NGEF: variants seen among roughly 807,000 people sequenced by gnomAD.
The protein encoded by NGEF is neuronal guanine nucleotide exchange factor, also known as ephexin-1.
Under a neutral mutation model 80.9 loss-of-function variants are expected in NGEF, and 31 were observed. The observed-to-expected ratio is 0.38, with a 90% CI of 0.29 to 0.52. The LOEUF (loss-of-function observed/expected upper bound fraction) is 0.52, where lower values mean the gene tolerates loss of function less well. Among genes scored for constraint, NGEF ranks in the 20% least tolerant of loss-of-function variants. The pLI, the probability that NGEF is intolerant of heterozygous loss-of-function variation, is 0.84. For synonymous variants in NGEF, 371 were observed against 370.2 expected (o/e 1.00, Z -0.03); for missense variants, 709 against 926.2 (o/e 0.77, Z 3.04).
rs397988249 is a variant in NGEF, at chr2:232,932,163, C to CTTTTTTT, written c.384-4984_384-4978dup. Among the ~76,000 whole-genome samples the CTTTTTTT allele has an allele frequency of 2.1e-3, 242 of 115,550 alleles. 2 individuals are homozygous for CTTTTTTT. Among genetic ancestry groups the CTTTTTTT allele is most frequent in the Non-Finnish European group, 2.4e-3 (140 of 58,808 alleles). The allele number at this position is 115,550 out of a possible 152,430, so 75.8% of individuals were successfully genotyped here. A position where few individuals can be genotyped will look rare whatever the true frequency, so the allele number is the denominator to read the frequency against. ...ATGAGTTCTCTCCAGAATCACCTTT[C>CTTTTTTT]TTTTTTTTTTTTTTTTTTTGAGACA... On this transcript the variant is annotated intron_variant, in intron 3 of 14. Transcript: ENST00000264051.
In NGEF at chr2:232,907,383, C is replaced by T. The variant is rs536233236; in HGVS notation, c.829-12467G>A. ...CTGACAACAGATTGTACTGGCAGTC[C>T]AAGTTGCCTGTCTTGCTTTGATAAA... is the stretch of plus-strand genomic sequence containing the variant. On this transcript the variant is annotated intron_variant, in intron 5 of 14. Coordinates refer to ENST00000264051, the MANE Select transcript of NGEF (RefSeq NM_019850.3). Among the ~76,000 whole-genome samples, 3 of 152,154 alleles carry T rather than the reference C, an allele frequency of 2.0e-5. No homozygotes were observed. The South Asian group carries it at 6.2e-4, about 32-fold the overall frequency.
intron 5 of NGEF, among the ~76,000 whole-genome samples, chr2:232,895,458 C>T (rs980782748): frequency 3.3e-5 from 5 of 150,524 alleles, no homozygotes; most frequent in Admixed American, 2.7e-4. Flanking sequence ...ACCTGGGAGG[C>T]AGAGGTTGCA....
rs532919708 is a variant in NGEF, at chr2:232,992,384, G to A, written c.-74-17420C>T. ...ACTAGCCTGGTCGACATGGTGAAAC[G>A]CCGTCTCCACTGCAAATACAAAAAT... is the stretch of plus-strand genomic sequence containing the variant. On this transcript the variant is annotated intron_variant, in intron 1 of 14. Transcript: ENST00000264051. Among the ~76,000 whole-genome samples, 10 of 151,796 alleles carry A rather than the reference G, an allele frequency of 6.6e-5. No homozygotes were observed. The East Asian group carries it at 1.2e-3, about 18-fold the overall frequency.
chr2:232,934,459 C>G (rs911390774), intron 3 of NGEF, among the ~76,000 whole-genome samples: 3 of 151,608 alleles, frequency 2.0e-5, no homozygotes, highest in Admixed American at 2.0e-4. Flanking sequence ...TAAAGTCTTC[C>G]AGTAAAAAAT....
At chr2:233,012,453 C>A (rs1173675205) in intron 1 of NGEF, among the ~76,000 whole-genome samples, 1 of 152,208 alleles carries the variant, frequency 6.6e-6, no homozygotes, top group South Asian at 2.1e-4. Context: ...CTGAAAGGGG[C>A]CCCTGAGCGG....
chr2:232,969,944 C>T (rs944618122), intron 3 of NGEF: 5 of 203,240 alleles, frequency 2.5e-5, no homozygotes, highest in Non-Finnish European at 4.9e-5. Flanking sequence ...GCTGGAGAAT[C>T]GTTAGAGCCC....
At chr2:232,947,978 T>C (rs1397748631) in intron 3 of NGEF, among the ~76,000 whole-genome samples, 1 of 152,228 alleles carries the variant, frequency 6.6e-6, no homozygotes, top group Non-Finnish European at 1.5e-5. Flanking sequence ...CATGTGATAT[T>C]TTGTTACCTA....
chr2:232,935,275 T>A (rs891025896), intron 3 of NGEF, among the ~76,000 whole-genome samples: 3 of 152,172 alleles, frequency 2.0e-5, no homozygotes, highest in African/African-American at 7.2e-5. Context: ...GATTATCTGG[T>A]TCAATGCTTT....
At chr2:232,886,367 G>A (rs572970806) in intron 9 of NGEF, among the ~76,000 whole-genome samples, 33 of 151,802 alleles carry the variant, frequency 2.2e-4, no homozygotes, top group African/African-American at 7.7e-4. Context: ...ATGTGTGTGC[G>A]GTGTGTATTG....
chr2:232,892,894 T>C lies in NGEF; in HGVS notation c.1142+4A>G. On this transcript the variant is annotated splice_donor_region_variant and intron_variant, in intron 7 of 14. Transcript: ENST00000264051. This position sits in a 1 kb window ranked among gnomAD's most constrained non-coding sequence, Gnocchi z 4.0. Reference sequence around the variant, plus strand: ...CCCCTGAGCCCCTTGCCGGATACACTCACAGCAGCTGCTTATAGGTCCGCT... The same window carrying C: ...CCCCTGAGCCCCTTGCCGGATACACCCACAGCAGCTGCTTATAGGTCCGCT... The C allele has an allele frequency of 6.2e-7, 1 of 1,612,326 alleles. No individual in the cohort carries two copies. The highest frequency in any genetic ancestry group is 8.5e-7 in the Non-Finnish European group (1 of 1,179,342).
intron 4 of NGEF, among the ~76,000 whole-genome samples, chr2:232,921,627 CTT>C (rs34498818): frequency 5.0e-5 from 7 of 139,582 alleles, no homozygotes; most frequent in Non-Finnish European, 3.1e-5. Flanking sequence ...AGTTTTTCCT[CTT>C]TTTTTTTTTT....
chr2:232,905,753 C>T (rs1044915813), intron 5 of NGEF: 61 of 387,362 alleles, frequency 1.6e-4, no homozygotes, highest in African/African-American at 9.9e-4. Flanking sequence ...TCTGCCCCAC[C>T]GCCCTGTCTG....
At chr2:232,906,065 G>A in intron 5 of NGEF, among the ~76,000 whole-genome samples, 1 of 130,850 alleles carries the variant, frequency 7.6e-6, no homozygotes, top group Non-Finnish European at 1.7e-5. Context: ...GTCCGGGAGG[G>A]AGGTGAGGGG....
At chr2:232,952,891 C>T (rs1693705455) in intron 3 of NGEF, among the ~76,000 whole-genome samples, 1 of 140,072 alleles carries the variant, frequency 7.1e-6, no homozygotes, top group South Asian at 2.3e-4. Flanking sequence ...ATCACTTGAA[C>T]CCGGAGGCAG....
intron 5 of NGEF, among the ~76,000 whole-genome samples, chr2:232,907,830 C>T (rs528160742): frequency 3.3e-5 from 5 of 152,150 alleles, no homozygotes; most frequent in South Asian, 4.2e-4. Flanking sequence ...ATCTTTGGGC[C>T]GGGCACGGTG....
intron 5 of NGEF, among the ~76,000 whole-genome samples, chr2:232,919,622 T>C (rs1692891368): frequency 6.6e-6 from 1 of 152,180 alleles, no homozygotes; most frequent in African/African-American, 2.4e-5. Context: ...CACTTAAATT[T>C]CTTATTCATT....
In NGEF at chr2:232,945,812, A is replaced by G. The variant is rs185461820; in HGVS notation, c.384-18626T>C. Among the ~76,000 whole-genome samples, 283 of 152,116 alleles carry G rather than the reference A, an allele frequency of 1.9e-3. 4 individuals carry two copies. The East Asian group carries it at 0.019, about 10-fold the overall frequency. On this transcript the variant is annotated intron_variant, in intron 3 of 14. Coordinates refer to ENST00000264051, the MANE Select transcript of NGEF (RefSeq NM_019850.3). Reference sequence around the variant, plus strand: ...TATGGCACAGGTGGAGTCATTCTGAAATTGTTCTGTGTGCATTTGTAGAAT... The same window carrying G: ...TATGGCACAGGTGGAGTCATTCTGAGATTGTTCTGTGTGCATTTGTAGAAT...
intron 8 of NGEF, among the ~76,000 whole-genome samples, chr2:232,890,002 G>A (rs1028937249): frequency 6.2e-5 from 8 of 128,036 alleles, no homozygotes; most frequent in African/African-American, 2.2e-4. Context: ...CAGGGCATCA[G>A]TAGACAGGGC....
chr2:232,979,419 G>A (rs555738033), intron 1 of NGEF, among the ~76,000 whole-genome samples: 2 of 151,616 alleles, frequency 1.3e-5, no homozygotes, highest in Non-Finnish European at 1.5e-5. Context: ...AAAACTATCT[G>A]TAAAACTATT....
Sources: gnomAD v4.1 joint callset for allele counts (sites outside exome capture counted in the v4.1 genomes callset) on GRCh38, gnomAD v4.1.1 for gene constraint, Gnocchi (gnomAD v3.1) non-coding constraint, MANE v1.5 for transcripts, NCBI Gene and HGNC (gene_info 2026-07-23, HGNC 2026-07-21) for gene names.